APBB2: variants seen among roughly 807,000 people sequenced by gnomAD.
APBB2 encodes amyloid beta precursor protein binding family B member 2.
APBB2 carries 38 observed loss-of-function variants against 82.5 expected under a neutral mutation model. That is an observed-to-expected ratio of 0.46 (90% CI 0.36 to 0.60). APBB2 has a LOEUF of 0.60. APBB2 is among the 20% of genes least tolerant of loss of function. APBB2 has a pLI of 0.00. For synonymous variants in APBB2, 341 were observed against 368.2 expected, an observed-to-expected ratio of 0.93 and a Z score of 0.85; for missense variants, 772 against 972.3, an observed-to-expected ratio of 0.79 and a Z score of 2.74.
At chr4:41,141,952 A>G (rs1759343542) in intron 2 of APBB2, among the ~76,000 whole-genome samples, 1 of 152,204 alleles carries the variant, frequency 6.6e-6, no homozygotes, top group African/African-American at 2.4e-5. Context: ...GTGGGGACAC[A>G]GCCAAACCAT....
At chr4:41,144,473 T>C (rs539296629) in intron 1 of APBB2, among the ~76,000 whole-genome samples, 2 of 152,360 alleles carry the variant, frequency 1.3e-5, no homozygotes, top group African/African-American at 4.8e-5. Context: ...CCAAATTTTC[T>C]ACAATTAACA....
chr4:41,004,604 A>T (rs1806166055), intron 6 of APBB2, among the ~76,000 whole-genome samples: 1 of 152,024 alleles, frequency 6.6e-6, no homozygotes, highest in African/African-American at 2.4e-5. Context: ...ACTTTGGGCA[A>T]GGCGGGTGGA....
At position 41,098,385 on chromosome 4, in the gene APBB2, G is replaced by A. The variant is rs140816096; in HGVS notation, c.-149+2254C>T. On this transcript the variant is annotated intron_variant, in intron 3 of 17. Transcript: ENST00000508593. ...TTTTTGTAGAGACAGGGTCTCTTTCGTTGTCCAGGCTAGTCTTGAGCTCTT... is the reference window on the plus strand; with the variant it reads ...TTTTTGTAGAGACAGGGTCTCTTTCATTGTCCAGGCTAGTCTTGAGCTCTT... Among the ~76,000 whole-genome samples, 1,357 of 152,068 alleles carry A rather than the reference G, an allele frequency of 8.9e-3. 22 individuals carry two copies. Among genetic ancestry groups the A allele is most frequent in the African/African-American group, 0.031 (1,269 of 41,472 alleles).
At chr4:40,856,682 C>A (rs1225234128) in intron 12 of APBB2, among the ~76,000 whole-genome samples, 1 of 148,264 alleles carries the variant, frequency 6.7e-6, no homozygotes, top group Non-Finnish European at 1.5e-5. Flanking sequence ...GAACGCTGTC[C>A]ACGGCAGAAA....
At chr4:40,853,697 T>C (rs534437088) in intron 12 of APBB2, among the ~76,000 whole-genome samples, 1 of 152,030 alleles carries the variant, frequency 6.6e-6, no homozygotes, top group South Asian at 2.1e-4. Flanking sequence ...CCTCAGGTGA[T>C]CCACCTGCCT....
At chr4:40,928,980 A>G (rs1248594361) in intron 10 of APBB2, among the ~76,000 whole-genome samples, 1 of 149,580 alleles carries the variant, frequency 6.7e-6, no homozygotes. Flanking sequence ...CCTGGAACAG[A>G]GAAGGGCATT....
chr4:41,159,961 G>GAGAAGAAGAAGA (rs1161043741), intron 1 of APBB2, among the ~76,000 whole-genome samples: 523 of 31,946 alleles, frequency 0.016, 57 homozygotes, highest in Middle Eastern at 0.052. Flanking sequence ...GAAGGAGAAG[G>GAGAAGAAGAAGA]AGAAGAAGAA....
intron 1 of APBB2, among the ~76,000 whole-genome samples, chr4:41,187,684 A>G (rs1773264408): frequency 6.6e-6 from 1 of 152,240 alleles, no homozygotes; most frequent in Non-Finnish European, 1.5e-5. Context: ...ACACATACAC[A>G]TTCATAAACT....
chr4:41,046,656 A>C (rs62413768), intron 4 of APBB2, among the ~76,000 whole-genome samples: 27,614 of 152,232 alleles, frequency 0.18, 2,847 homozygotes, highest in Non-Finnish European at 0.24. Context: ...AAATGGGCCA[A>C]GGAAGATTTT....
Position 40,816,059 on chromosome 4 carries a change from C to T in APBB2, c.*33G>A, listed in dbSNP as rs367591196. On this transcript the variant is annotated 3_prime_UTR_variant, in exon 18 of 18. Transcript: ENST00000508593. ...TTCTTTAGTGTAGCTAGTCAATCTT[C>T]AGGTAAATAGCCGAGTCCTTTTGCA... is the stretch of plus-strand genomic sequence containing the variant. 1 of 1,600,192 alleles carries T rather than the reference C, an allele frequency of 6.2e-7. No homozygotes were observed. Among genetic ancestry groups the T allele is most frequent in the African/African-American group, 1.3e-5 (1 of 74,536 alleles).
At position 40,812,633 on chromosome 4, in the gene APBB2, T is replaced by C. The variant is rs1015131444; in HGVS notation, c.*3459A>G. 4 of 151,326 alleles carry C rather than the reference T, an allele frequency of 2.6e-5. No individual in the cohort carries two copies. Among genetic ancestry groups the C allele is most frequent in the Non-Finnish European group, 5.9e-5 (4 of 67,866 alleles). 9.4% of individuals were successfully genotyped at this position (151,326 alleles called of 1,614,324 possible). A position where few individuals can be genotyped will look rare whatever the true frequency, so the allele number is the denominator to read the frequency against. ...TGTTGTGGTGAAATCTTGAGGAGTT[T>C]GTGTTGCAATGCCTGGGACATGAAC... On this transcript the variant is annotated 3_prime_UTR_variant, in exon 18 of 18. Coordinates refer to ENST00000508593, the MANE Select transcript of APBB2 (RefSeq NM_004307.2).
At chr4:41,101,819 C>T (rs1298999153) in intron 2 of APBB2, among the ~76,000 whole-genome samples, 1 of 151,766 alleles carries the variant, frequency 6.6e-6, no homozygotes, top group African/African-American at 2.4e-5. Flanking sequence ...ATTAGCCAGG[C>T]GTGGTGGCAT....
Position 40,934,597 on chromosome 4 carries a change from T to A in APBB2, c.1193+17A>T. 3 of 1,611,846 alleles carry A rather than the reference T, an allele frequency of 1.9e-6. No homozygotes were observed. Among genetic ancestry groups the A allele is most frequent in the Non-Finnish European group, 2.5e-6 (3 of 1,177,924 alleles). Reference sequence around the variant, plus strand: ...AAGCCATACATTGACAGCAGGTCGATCCTACTAATGTCCTACCTGAGTTTC... The same window carrying A: ...AAGCCATACATTGACAGCAGGTCGAACCTACTAATGTCCTACCTGAGTTTC... On this transcript the variant is annotated intron_variant, in intron 9 of 17. Coordinates refer to ENST00000508593, the MANE Select transcript of APBB2 (RefSeq NM_004307.2).
chr4:41,123,213 T>C lies in APBB2; in HGVS notation c.-261+19774A>G, dbSNP rs142653867. Among the ~76,000 whole-genome samples the C allele has an allele frequency of 8.2e-4, 124 of 152,120 alleles. 2 individuals are homozygous for C. In the East Asian group the frequency reaches 0.022, roughly 27 times the overall value. ...TGTAGGGTCCCCAAGGAGGGGCTTT[T>C]GTTAGGCTCACCATTCATCGTCACT... On this transcript the variant is annotated intron_variant, in intron 2 of 17. Coordinates refer to ENST00000508593, the MANE Select transcript of APBB2 (RefSeq NM_004307.2).
chr4:41,160,301 T>C (rs1215552572), intron 1 of APBB2, among the ~76,000 whole-genome samples: 1 of 152,180 alleles, frequency 6.6e-6, no homozygotes, highest in Admixed American at 6.5e-5. Context: ...TCAGAGTGCT[T>C]GAAGAACACC....
At position 40,832,952 on chromosome 4, in the gene APBB2, C is replaced by T. The variant is rs1752541718; in HGVS notation, c.1530-2375G>A. ...GTACTGAATGGGTTCCACGACTGGG[C>T]TCGGGGGTGGGTTGGGGCAAGTCAC... On this transcript the variant is annotated intron_variant, in intron 12 of 17. Coordinates refer to ENST00000508593, the MANE Select transcript of APBB2 (RefSeq NM_004307.2). The surrounding 1 kb of genome is among the most constrained non-coding windows in gnomAD (Gnocchi z 4.8). Among the ~76,000 whole-genome samples the T allele has an allele frequency of 6.6e-6, 1 of 152,098 alleles. No homozygotes were observed. The highest frequency in any genetic ancestry group is 2.1e-4 in the South Asian group (1 of 4,824).
chr4:41,004,891 A>C (rs1295503100), intron 6 of APBB2, among the ~76,000 whole-genome samples: 1 of 151,974 alleles, frequency 6.6e-6, no homozygotes, highest in African/African-American at 2.4e-5. Context: ...CAAATGAAAG[A>C]ATGAATGAAC....
At chr4:40,972,321 G>A (rs1428168206) in intron 6 of APBB2, among the ~76,000 whole-genome samples, 3 of 151,832 alleles carry the variant, frequency 2.0e-5, no homozygotes, top group Admixed American at 1.3e-4. Context: ...CCAGCTACTC[G>A]GGAGGCTGAG....
rs896723731 is a variant in APBB2, at chr4:41,127,063, C to T, written c.-261+15924G>A. On this transcript the variant is annotated intron_variant, in intron 2 of 17. Coordinates refer to ENST00000508593, the MANE Select transcript of APBB2 (RefSeq NM_004307.2). This position sits in a 1 kb window ranked among gnomAD's most constrained non-coding sequence, Gnocchi z 4.8. ...TTCTTACCAGTGCCATGAGGCTAGACTCAATAAACTCACAATTCATTTCTC... is the reference window on the plus strand; with the variant it reads ...TTCTTACCAGTGCCATGAGGCTAGATTCAATAAACTCACAATTCATTTCTC... 1.2e-4 allele frequency among the ~76,000 whole-genome samples: 18 copies of T among 152,184 alleles called. No individual in the cohort carries two copies. Among genetic ancestry groups the T allele is most frequent in the African/African-American group, 4.1e-4 (17 of 41,540 alleles).
Sources: allele counts gnomAD v4.1 joint callset (sites outside exome capture counted in the v4.1 genomes callset), GRCh38; gene constraint gnomAD v4.1.1; non-coding constraint Gnocchi (gnomAD v3.1); transcripts MANE v1.5; gene names NCBI Gene and HGNC (gene_info 2026-07-23, HGNC 2026-07-21).